ZMAT4: variants seen among roughly 807,000 people sequenced by gnomAD.
ZMAT4 encodes zinc finger matrin-type protein 4.
ZMAT4 carries 17 observed loss-of-function variants against 28.7 expected under a neutral mutation model. The observed-to-expected ratio is 0.59, with a 90% CI of 0.41 to 0.89. ZMAT4 has a LOEUF of 0.89. ZMAT4 is among the 40% of genes least tolerant of loss of function. The pLI, the probability that ZMAT4 is intolerant of heterozygous loss-of-function variation, is 0.00. For synonymous variants in ZMAT4, 117 were observed against 109.2 expected (o/e 1.07, Z -0.44); for missense variants, 240 against 283.8 (o/e 0.85, Z 1.11).
chr8:40,811,725 C>A (rs1268844673), intron 2 of ZMAT4, among the ~76,000 whole-genome samples: 3 of 152,076 alleles, frequency 2.0e-5, no homozygotes, highest in Admixed American at 2.0e-4. Flanking sequence ...AGTTAGAAGC[C>A]ATAGATTACA....
At chr8:40,542,971 G>A (rs557925209) in intron 6 of ZMAT4, among the ~76,000 whole-genome samples, 18 of 152,346 alleles carry the variant, frequency 1.2e-4, no homozygotes, top group African/African-American at 3.8e-4. Flanking sequence ...CATTGCAGCA[G>A]AGATGGGCTC....
chr8:40,646,709 A>T (rs1807332846), intron 5 of ZMAT4, among the ~76,000 whole-genome samples: 1 of 152,200 alleles, frequency 6.6e-6, no homozygotes, highest in Non-Finnish European at 1.5e-5. Context: ...CATAAAGCAA[A>T]AGCTGATAGA....
At chr8:40,714,029 G>A (rs1810744912) in intron 3 of ZMAT4, among the ~76,000 whole-genome samples, 1 of 150,886 alleles carries the variant, frequency 6.6e-6, no homozygotes, top group Non-Finnish European at 1.5e-5. Flanking sequence ...AGTGACCTAA[G>A]GAACATAAAA....
At chr8:40,820,610 G>A (rs111215828) in intron 2 of ZMAT4, among the ~76,000 whole-genome samples, 1 of 77,610 alleles carries the variant, frequency 1.3e-5, no homozygotes, top group Non-Finnish European at 3.0e-5. Context: ...GAGTGCATGT[G>A]TGTGTATGTG....
intron 3 of ZMAT4, among the ~76,000 whole-genome samples, chr8:40,731,375 A>G (rs1467745692): frequency 1.3e-5 from 2 of 152,076 alleles, no homozygotes; most frequent in Non-Finnish European, 2.9e-5. Flanking sequence ...CTTTAAATTC[A>G]TACTTCAGGT....
At chr8:40,761,132 G>A (rs2150555927) in intron 3 of ZMAT4, among the ~76,000 whole-genome samples, 1 of 152,200 alleles carries the variant, frequency 6.6e-6, no homozygotes, top group East Asian at 1.9e-4. Context: ...ATGTCATATA[G>A]TACTTCATAA....
chr8:40,642,293 C>T (rs532083052), intron 5 of ZMAT4, among the ~76,000 whole-genome samples: 1 of 152,276 alleles, frequency 6.6e-6, no homozygotes, highest in East Asian at 1.9e-4. Context: ...GCGCACTGTT[C>T]TAGCGGGTGA....
At chr8:40,557,371 C>T (rs1390169885) in intron 6 of ZMAT4, among the ~76,000 whole-genome samples, 2 of 152,152 alleles carry the variant, frequency 1.3e-5, no homozygotes, top group Admixed American at 6.5e-5. Context: ...TAGCTCCTAC[C>T]TCCTGCTAAT....
intron 2 of ZMAT4, among the ~76,000 whole-genome samples, chr8:40,809,347 T>A (rs1196897008): frequency 6.6e-6 from 1 of 152,090 alleles, no homozygotes; most frequent in African/African-American, 2.4e-5. Context: ...GGGTCATGGG[T>A]TGAAAACCTA....
chr8:40,556,267 C>G (rs1803530776), intron 6 of ZMAT4, among the ~76,000 whole-genome samples: 1 of 152,174 alleles, frequency 6.6e-6, no homozygotes, highest in Non-Finnish European at 1.5e-5. Context: ...TCTCCCAACA[C>G]TCTTGTTCAG....
intron 6 of ZMAT4, among the ~76,000 whole-genome samples, chr8:40,561,065 C>G (rs1803721756): frequency 6.6e-6 from 1 of 152,130 alleles, no homozygotes; most frequent in South Asian, 2.1e-4. Flanking sequence ...TAAAATCATA[C>G]AGTTCTGTTT....
At chr8:40,669,862 A>C (rs1022458050) in intron 5 of ZMAT4, among the ~76,000 whole-genome samples, 4 of 152,170 alleles carry the variant, frequency 2.6e-5, no homozygotes, top group African/African-American at 9.7e-5. Context: ...GATGTGCAAA[A>C]CCTTTACACT....
intron 1 of ZMAT4, among the ~76,000 whole-genome samples, chr8:40,848,321 C>T (rs1318432962): frequency 6.6e-6 from 1 of 152,228 alleles, no homozygotes; most frequent in African/African-American, 2.4e-5. Flanking sequence ...TAGGACTCCA[C>T]CCGTTGTCCA....
rs1294291800 is a variant in ZMAT4, at chr8:40,786,806, A to G, written c.103-19076T>C. ...CCCTAGGATAGATGGGAACAAACAG[A>G]CTGTGCTTACAGAAGAAAATTGGGA... On this transcript the variant is annotated intron_variant, in intron 2 of 6. Coordinates refer to ENST00000297737, the MANE Select transcript of ZMAT4 (RefSeq NM_024645.3). The G allele has an allele frequency of 2.5e-6, 3 of 1,181,428 alleles. No individual in the cohort carries two copies. In the Admixed American group the frequency reaches 7.1e-5, roughly 28 times the overall value. 73.2% of individuals were successfully genotyped at this position (1,181,428 alleles called of 1,614,324 possible). A position where few individuals can be genotyped will look rare whatever the true frequency, so the allele number is the denominator to read the frequency against.
intron 3 of ZMAT4, among the ~76,000 whole-genome samples, chr8:40,750,531 AG>A (rs1812414566): frequency 6.6e-6 from 1 of 152,226 alleles, no homozygotes; most frequent in Non-Finnish European, 1.5e-5. Context: ...ATAGAAGGAA[AG>A]GAATTTTATT....
chr8:40,694,367 T>C (rs1181350142), intron 4 of ZMAT4, among the ~76,000 whole-genome samples: 1 of 152,194 alleles, frequency 6.6e-6, no homozygotes, highest in African/African-American at 2.4e-5. Flanking sequence ...AGGCTAGAAT[T>C]CAGGTTCCTG....
intron 6 of ZMAT4, among the ~76,000 whole-genome samples, chr8:40,548,494 C>T (rs1411368175): frequency 6.6e-6 from 1 of 152,022 alleles, no homozygotes; most frequent in Non-Finnish European, 1.5e-5. Flanking sequence ...TTTATGTTGC[C>T]TGAATTAATG....
intron 1 of ZMAT4, among the ~76,000 whole-genome samples, chr8:40,852,809 T>C (rs1817160708): frequency 6.6e-6 from 1 of 152,328 alleles, no homozygotes; most frequent in African/African-American, 2.4e-5. Context: ...CATTATATAA[T>C]ACCCAAAAAG....
chr8:40,866,788 A>G (rs1309181516), intron 1 of ZMAT4, among the ~76,000 whole-genome samples: 1 of 152,220 alleles, frequency 6.6e-6, no homozygotes, highest in Non-Finnish European at 1.5e-5. Flanking sequence ...GATATCCAAC[A>G]GGATACACAT....
Sources: gnomAD v4.1 joint callset for allele counts (sites outside exome capture counted in the v4.1 genomes callset) on GRCh38, gnomAD v4.1.1 for gene constraint, MANE v1.5 for transcripts, NCBI Gene and HGNC (gene_info 2026-07-23, HGNC 2026-07-21) for gene names.